The following STPG2 variants were observed in gnomAD, a reference collection of about 807,000 sequenced individuals.
STPG2 encodes sperm tail PG-rich repeat containing 2.
In STPG2, 56 loss-of-function variants were observed where a neutral mutation model predicts 54.2. The ratio of observed to expected loss-of-function variants is 1.03; its 90% CI spans 0.83 to 1.29. The LOEUF (loss-of-function observed/expected upper bound fraction) is 1.29, where lower values mean the gene tolerates loss of function less well. STPG2 is among the 50% of genes most tolerant of loss of function. The probability of loss-of-function intolerance (pLI) is 0.00; values close to 1 mark genes in which losing one functional copy is unlikely to be tolerated. For missense variants in STPG2, 596 were observed against 544.9 expected (o/e 1.09, Z -0.93); for synonymous variants, 200 against 181.8 (o/e 1.10, Z -0.81).
chr4:97,643,167 A>G (rs760998708), intron 10 of STPG2, among the ~76,000 whole-genome samples: 10 of 151,614 alleles, frequency 6.6e-5, no homozygotes, highest in Admixed American at 1.3e-4. Flanking sequence ...AACCTCATGG[A>G]GCTTTTAATC....
At chr4:97,685,539 G>C (rs1723161834) in intron 10 of STPG2, among the ~76,000 whole-genome samples, 1 of 152,142 alleles carries the variant, frequency 6.6e-6, no homozygotes, top group South Asian at 2.1e-4. Context: ...CAAGTGGTCA[G>C]AGGAAGGGAT....
intron 5 of STPG2, among the ~76,000 whole-genome samples, chr4:98,027,914 G>C (rs1736476661): frequency 6.6e-6 from 1 of 152,096 alleles, no homozygotes; most frequent in South Asian, 2.1e-4. Flanking sequence ...AGTCCAAGCT[G>C]GCAGTGCTGC....
At chr4:97,733,249 T>C (rs1303904621) in intron 9 of STPG2, among the ~76,000 whole-genome samples, 1 of 152,054 alleles carries the variant, frequency 6.6e-6, no homozygotes, top group Non-Finnish European at 1.5e-5. Flanking sequence ...CACGGAAAAC[T>C]ATTCAGCCAC....
At chr4:97,691,080 G>T (rs577674402) in intron 10 of STPG2, among the ~76,000 whole-genome samples, 2 of 152,196 alleles carry the variant, frequency 1.3e-5, no homozygotes, top group African/African-American at 4.8e-5. Context: ...TGGATGGACA[G>T]AGCAGCATAT....
intron 8 of STPG2, among the ~76,000 whole-genome samples, chr4:97,891,150 C>A (rs963161909): frequency 2.0e-5 from 3 of 152,050 alleles, no homozygotes; most frequent in Non-Finnish European, 2.9e-5. Context: ...AAATTCTGTG[C>A]ACGCATTACT....
intron 8 of STPG2, among the ~76,000 whole-genome samples, chr4:97,940,350 C>T (rs1168772740): frequency 1.3e-5 from 2 of 152,172 alleles, no homozygotes; most frequent in Non-Finnish European, 2.9e-5. Flanking sequence ...GCCTCTCTAG[C>T]AAAATTGGGA....
chr4:97,947,640 C>T (rs1270851896), intron 7 of STPG2, among the ~76,000 whole-genome samples: 1 of 151,972 alleles, frequency 6.6e-6, no homozygotes, highest in Non-Finnish European at 1.5e-5. Context: ...TTATCAAATG[C>T]TTTTCTGCAG....
At chr4:97,873,930 G>A (rs1300285862) in intron 8 of STPG2, among the ~76,000 whole-genome samples, 1 of 150,936 alleles carries the variant, frequency 6.6e-6, no homozygotes, top group African/African-American at 2.4e-5. Flanking sequence ...ACTGAAGCTG[G>A]CCAAGAAAAT....
intron 1 of STPG2, among the ~76,000 whole-genome samples, chr4:98,140,302 T>C (rs1740245681): frequency 6.6e-6 from 1 of 152,072 alleles, no homozygotes; most frequent in South Asian, 2.1e-4. Flanking sequence ...ATGAAGAACA[T>C]TATAAACAAC....
At chr4:97,935,513 C>T (rs116425084) in intron 8 of STPG2, among the ~76,000 whole-genome samples, 62 of 152,256 alleles carry the variant, frequency 4.1e-4, no homozygotes, top group African/African-American at 1.4e-3. Context: ...CTGATGTGGG[C>T]ACTTAGTGCT....
intron 8 of STPG2, among the ~76,000 whole-genome samples, chr4:97,907,495 T>G (rs1202355522): frequency 6.6e-6 from 1 of 152,114 alleles, no homozygotes; most frequent in East Asian, 1.9e-4. Flanking sequence ...AATGCCTTTC[T>G]TCACAGAATT....
intron 4 of STPG2, among the ~76,000 whole-genome samples, chr4:97,514,138 TTC>T (rs1225113599): frequency 6.6e-6 from 1 of 152,096 alleles, no homozygotes; most frequent in Non-Finnish European, 1.5e-5. Context: ...ATTTGGCCTA[TTC>T]TCTAAGGCCT....
intron 7 of STPG2, among the ~76,000 whole-genome samples, chr4:97,970,526 C>A (rs963305664): frequency 6.6e-6 from 1 of 152,146 alleles, no homozygotes; most frequent in African/African-American, 2.4e-5. Flanking sequence ...ACCATCTGAT[C>A]TTTGACAAAC....
intron 5 of STPG2, chr4:98,026,038 G>A: frequency 9.4e-7 from 1 of 1,064,216 alleles, no homozygotes; most frequent in Non-Finnish European, 1.4e-6. Flanking sequence ...ATAATTACAA[G>A]AAACAGTTCT....
intron 10 of STPG2, among the ~76,000 whole-genome samples, chr4:97,680,289 C>A (rs1295556156): frequency 6.6e-6 from 1 of 151,370 alleles, no homozygotes; most frequent in Non-Finnish European, 1.5e-5. Context: ...TGTTTGTATC[C>A]TCTTTTATTT....
chr4:97,637,610 A>T (rs1317044747), intron 10 of STPG2, among the ~76,000 whole-genome samples: 1 of 152,222 alleles, frequency 6.6e-6, no homozygotes, highest in Non-Finnish European at 1.5e-5. Flanking sequence ...TCTCAGCCCA[A>T]AATCTCCTTA....
Position 98,128,565 on chromosome 4 carries a change from T to G in STPG2, c.250A>C (p.Arg84=). ...QKISRSPTLT[R]SVDVPSIPSC... ...GGAATTGAAGGAACATCAACACTTC[T>G]GGTAAGTGTAGGTGATCTTGAAATT... is the stretch of plus-strand genomic sequence containing the variant. Residue 84 remains arginine (R), a synonymous_variant, in exon 3 of 11, where the codon AGA becomes CGA. Transcript: ENST00000295268. The G allele has an allele frequency of 6.2e-7, 1 of 1,608,606 alleles. No homozygotes were observed. The highest frequency in any genetic ancestry group is 1.3e-5 in the African/African-American group (1 of 74,776).
intron 5 of STPG2, among the ~76,000 whole-genome samples, chr4:97,993,293 G>C (rs1014930420): frequency 6.6e-6 from 1 of 152,110 alleles, no homozygotes; most frequent in African/African-American, 2.4e-5. Context: ...TAATCCTAAA[G>C]GAATGCTGGA....
chr4:97,744,236 T>C (rs187016752), intron 9 of STPG2, among the ~76,000 whole-genome samples: 4 of 151,466 alleles, frequency 2.6e-5, no homozygotes, highest in African/African-American at 4.8e-5. Context: ...TAAAAATAAT[T>C]TCATTTATAT....
Sources: gnomAD v4.1 joint callset for allele counts (sites outside exome capture counted in the v4.1 genomes callset) on GRCh38, gnomAD v4.1.1 for gene constraint, MANE v1.5 for transcripts, NCBI Gene and HGNC (gene_info 2026-07-23, HGNC 2026-07-21) for gene names.